Variants in NACA2 observed in about 807,000 individuals in gnomAD.
NACA2 encodes nascent polypeptide associated complex subunit alpha 2.
In NACA2, 9 loss-of-function variants were observed where a neutral mutation model predicts 15.6. That is an observed-to-expected ratio of 0.58 (90% CI 0.35 to 1.00). The LOEUF (loss-of-function observed/expected upper bound fraction) is 1.00, where lower values mean the gene tolerates loss of function less well. Among genes scored for constraint, NACA2 ranks in the 50% least tolerant of loss-of-function variants. The pLI, the probability that NACA2 is intolerant of heterozygous loss-of-function variation, is 0.02. For synonymous variants in NACA2, 111 were observed against 100.5 expected (o/e 1.10, Z -0.62); for missense variants, 258 against 257.5 (o/e 1.00, Z -0.01).
rs2143969122 is a variant in NACA2 at position 61,590,891 on chromosome 17, CAGAT to C, written c.286_289del (p.Ile96GlyfsTer25). 1 of 1,614,198 alleles carries C rather than the reference CAGAT, an allele frequency of 6.2e-7. No individual in the cohort carries two copies. Among genetic ancestry groups the C allele is most frequent in the Admixed American group, 1.7e-5 (1 of 60,020 alleles). On this transcript the variant is annotated frameshift_variant, in exon 1 of 1. Coordinates refer to ENST00000521764, the MANE Select transcript of NACA2 (RefSeq NM_199290.4). LOFTEE classifies it high-confidence loss of function. Reference sequence around the variant, plus strand: ...GACAAAGAGGATATTCTTAGATTTCCAGATAGTGACTCTAGTAACTCCTGTAACC... The same window carrying C: ...GACAAAGAGGATATTCTTAGATTTCCAGTGACTCTAGTAACTCCTGTAACC...
At position 61,591,205 on chromosome 17, in the gene NACA2, G is replaced by A. The variant is rs2060999350; in HGVS notation, c.-25C>T. 1.2e-6 allele frequency: 2 copies of A among 1,613,964 alleles called. No individual in the cohort carries two copies. Among genetic ancestry groups the A allele is most frequent in the Non-Finnish European group, 1.7e-6 (2 of 1,180,050 alleles). ...TTTTGTGCAGGGAACGCGGAAGCAA[G>A]ATGGCGGCAGAAAGAGCGCGAGCGA... On this transcript the variant is annotated 5_prime_UTR_variant, in exon 1 of 1. Coordinates refer to ENST00000521764, the MANE Select transcript of NACA2 (RefSeq NM_199290.4).
At position 61,590,624 on chromosome 17, in the gene NACA2, G is replaced by A. The variant is rs369495708; in HGVS notation, c.557C>T (p.Ser186Leu). 31 of 1,614,056 alleles carry A rather than the reference G, an allele frequency of 1.9e-5. No individual in the cohort carries two copies. Among genetic ancestry groups the A allele is most frequent in the Non-Finnish European group, 2.6e-5 (31 of 1,180,040 alleles). ...VEVKDVKLVM[S>L]QANVSRAKAV... ...CTTTGCTCTCGACACATTTGCTTGT[G>A]ACATGACCAATTTCACGTCTTTAAC... is the stretch of plus-strand genomic sequence containing the variant. The change falls in exon 1 of 1, where the codon TCA becomes TTA. Residue 186 changes from serine to leucine, a missense_variant. Physicochemically the swap from Ser to Leu is moderately radical, Grantham distance 145 (BLOSUM62 -2). Coordinates refer to ENST00000521764, the MANE Select transcript of NACA2 (RefSeq NM_199290.4).
At position 61,591,016 on chromosome 17, in the gene NACA2, T is replaced by G. The variant is rs757842660; in HGVS notation, c.165A>C (p.Ala55=). The part of the protein sequence containing the change: ...QTTTQKAWLV[A]AAEIDEEPVG... ...CTGGTTCTTCATCAATTTCAGCTGC[T>G]GCCACCAGCCAGGCTTTTTGTGTGG... The change falls in exon 1 of 1, where the codon GCA becomes GCC. Residue 55 remains alanine (A), a synonymous_variant. Transcript: ENST00000521764. 1 of 1,614,250 alleles carries G rather than the reference T, an allele frequency of 6.2e-7. No homozygotes were observed. The highest frequency in any genetic ancestry group is 1.1e-5 in the South Asian group (1 of 91,084).
At position 61,591,148 on chromosome 17, in the gene NACA2, A is replaced by G; in HGVS notation, c.33T>C (p.Ala11=). The G allele has an allele frequency of 3.1e-6, 5 of 1,614,250 alleles. No individual in the cohort carries two copies. In the South Asian group the frequency reaches 4.4e-5, roughly 14 times the overall value. Reference sequence around the variant, plus strand: ...GGGACTGCGGCAACTCCTGCTCTGTAGCAGGGACGGTTTCTGTGGCTTCGC... The same window carrying G: ...GGGACTGCGGCAACTCCTGCTCTGTGGCAGGGACGGTTTCTGTGGCTTCGC... The part of the protein sequence containing the change: MPGEATETVP[A]TEQELPQSQA... The change falls in exon 1 of 1, where the codon GCT becomes GCC. Residue 11 remains alanine (A), a synonymous_variant. Coordinates refer to ENST00000521764, the MANE Select transcript of NACA2 (RefSeq NM_199290.4).
rs374855084 is a variant in NACA2, at chr17:61,591,028, G to A, written c.153C>T (p.Ala51=). 1 of 1,614,232 alleles carries A rather than the reference G, an allele frequency of 6.2e-7. No individual in the cohort carries two copies. Among genetic ancestry groups the A allele is most frequent in the Non-Finnish European group, 8.5e-7 (1 of 1,180,040 alleles). The change falls in exon 1 of 1, where the codon GCC becomes GCT. Residue 51 remains alanine, a synonymous_variant. Coordinates refer to ENST00000521764, the MANE Select transcript of NACA2 (RefSeq NM_199290.4). ...CAATTTCAGCTGCTGCCACCAGCCAGGCTTTTTGTGTGGTGGTCTGGGTGG... is the reference window on the plus strand; with the variant it reads ...CAATTTCAGCTGCTGCCACCAGCCAAGCTTTTTGTGTGGTGGTCTGGGTGG... ...QDSTQTTTQK[A]WLVAAAEIDE...
chr17:61,591,144 C>T lies in NACA2; in HGVS notation c.37G>A (p.Glu13Lys), dbSNP rs1416899306. 1 of 1,614,134 alleles carries T rather than the reference C, an allele frequency of 6.2e-7. No homozygotes were observed. Among genetic ancestry groups the T allele is most frequent in the African/African-American group, 1.3e-5 (1 of 74,946 alleles). Residue 13 changes from glutamate to lysine, a missense_variant, in exon 1 of 1, where the codon GAG becomes AAG. Coordinates refer to ENST00000521764, the MANE Select transcript of NACA2 (RefSeq NM_199290.4). ...GEATETVPAT[E>K]QELPQSQAET... The stretch of plus-strand genomic sequence containing the variant: ...GCCTGGGACTGCGGCAACTCCTGCT[C>T]TGTAGCAGGGACGGTTTCTGTGGCT...
chr17:61,591,153 G>C lies in NACA2; in HGVS notation c.28C>G (p.Pro10Ala). 1 of 1,614,250 alleles carries C rather than the reference G, an allele frequency of 6.2e-7. No individual in the cohort carries two copies. The highest frequency in any genetic ancestry group is 8.5e-7 in the Non-Finnish European group (1 of 1,180,046). ...TGCGGCAACTCCTGCTCTGTAGCAGGGACGGTTTCTGTGGCTTCGCCCGGC... is the reference window on the plus strand; with the variant it reads ...TGCGGCAACTCCTGCTCTGTAGCAGCGACGGTTTCTGTGGCTTCGCCCGGC... The part of the protein sequence containing the change: MPGEATETV[P>A]ATEQELPQSQ... Residue 10 changes from proline to alanine, a missense_variant, in exon 1 of 1, where the codon CCT (proline) becomes GCT (alanine). By Grantham distance (27) the Pro-to-Ala change is conservative. Transcript: ENST00000521764.
At position 61,590,822 on chromosome 17, in the gene NACA2, T is replaced by C. The variant is rs775876799; in HGVS notation, c.359A>G (p.Tyr120Cys). The change falls in exon 1 of 1, where the codon TAC (tyrosine) becomes TGC (cysteine). Residue 120 changes from tyrosine (Y) to cysteine (C), a missense_variant. Transcript: ENST00000521764. ...DVYKSPASDA[Y>C]IVFGEAKIQD... Reference sequence around the variant, plus strand: ...GATCTTGGCTTCCCCAAAAACTATGTAGGCATCCGAAGCAGGGCTCTTGTA... The same window carrying C: ...GATCTTGGCTTCCCCAAAAACTATGCAGGCATCCGAAGCAGGGCTCTTGTA... The C allele has an allele frequency of 5.0e-6, 8 of 1,614,194 alleles. No homozygotes were observed. Among genetic ancestry groups the C allele is most frequent in the South Asian group, 2.2e-5 (2 of 91,086 alleles).
At position 61,590,758 on chromosome 17, in the gene NACA2, C is replaced by T. The variant is rs1348410423; in HGVS notation, c.423G>A (p.Glu141=). Residue 141 remains glutamate, a synonymous_variant, in exon 1 of 1, where the codon GAG becomes GAA. Coordinates refer to ENST00000521764, the MANE Select transcript of NACA2 (RefSeq NM_199290.4). ...LSQQAQLAAA[E]KFRVQGEAVG... ...CAGCTTCACCTTGAACTCTGAATTTCTCCGCAGCTGCTAGTTGTGCTTGCT... is the reference window on the plus strand; with the variant it reads ...CAGCTTCACCTTGAACTCTGAATTTTTCCGCAGCTGCTAGTTGTGCTTGCT... 6.2e-7 allele frequency: 1 copy of T among 1,614,222 alleles called. No homozygotes were observed.
chr17:61,591,218 A>G lies in NACA2; in HGVS notation c.-38T>C. 1 of 1,613,494 alleles carries G rather than the reference A, an allele frequency of 6.2e-7. No individual in the cohort carries two copies. On this transcript the variant is annotated 5_prime_UTR_variant, in exon 1 of 1. Transcript: ENST00000521764. ...ACGCGGAAGCAAGATGGCGGCAGAA[A>G]GAGCGCGAGCGAGAGCGTGACCCAC...
chr17:61,591,157 G>A lies in NACA2; in HGVS notation c.24C>T (p.Thr8=), dbSNP rs773090060. The A allele has an allele frequency of 1.4e-5, 22 of 1,614,140 alleles. No individual in the cohort carries two copies. The highest frequency in any genetic ancestry group is 1.6e-4 in the Middle Eastern group (1 of 6,080). MPGEATE[T]VPATEQELPQ... is the part of the protein sequence containing the mutation. The stretch of plus-strand genomic sequence containing the variant: ...GCAACTCCTGCTCTGTAGCAGGGAC[G>A]GTTTCTGTGGCTTCGCCCGGCATTT... Residue 8 remains threonine (T), a synonymous_variant, in exon 1 of 1, where the codon ACC becomes ACT. Transcript: ENST00000521764.
Position 61,590,903 on chromosome 17 carries a change from C to T in NACA2, c.278G>A (p.Arg93Lys). 6.2e-7 allele frequency: 1 copy of T among 1,614,252 alleles called. No individual in the cohort carries two copies. Among genetic ancestry groups the T allele is most frequent in the Non-Finnish European group, 8.5e-7 (1 of 1,180,054 alleles). Residue 93 changes from arginine (R) to lysine (K), a missense_variant, in exon 1 of 1, where the codon AGA becomes AAA. Physicochemically the swap from Arg to Lys is conservative, Grantham distance 26. Coordinates refer to ENST00000521764, the MANE Select transcript of NACA2 (RefSeq NM_199290.4). ...ATTCTTAGATTTCCAGATAGTGACT[C>T]TAGTAACTCCTGTAACCTGTAGAAG... Reference protein sequence around the residue: ...LGLLQVTGVTRVTIWKSKNIL... With the variant: ...LGLLQVTGVTKVTIWKSKNIL...
In NACA2 at chr17:61,591,130, C is replaced by T. The variant is rs779669551; in HGVS notation, c.51G>A (p.Pro17=). 39 of 1,614,126 alleles carry T rather than the reference C, an allele frequency of 2.4e-5. No homozygotes were observed. The Admixed American group carries it at 5.8e-4, about 24-fold the overall frequency. Residue 17 remains proline, a synonymous_variant, in exon 1 of 1, where the codon CCG becomes CCA. Transcript: ENST00000521764. ...CAGACCCTGTCTCAGCCTGGGACTG[C>T]GGCAACTCCTGCTCTGTAGCAGGGA... ...ETVPATEQEL[P]QSQAETGSGT...
chr17:61,590,939 G>T lies in NACA2; in HGVS notation c.242C>A (p.Ser81Tyr). ...TGTAACCTGTAGAAGACCCAGTTTG[G>T]ACATAGCCTTCCGTGCCCTCTTTTC... is the stretch of plus-strand genomic sequence containing the variant. ...RSEKRARKAM[S>Y]KLGLLQVTGV... Residue 81 changes from serine to tyrosine, a missense_variant, in exon 1 of 1, where the codon TCC (serine) becomes TAC (tyrosine). Physicochemically the swap from Ser to Tyr is moderately radical, Grantham distance 144 (BLOSUM62 -2). Transcript: ENST00000521764. 1.2e-6 allele frequency: 2 copies of T among 1,614,220 alleles called. No homozygotes were observed. The highest frequency in any genetic ancestry group is 1.7e-6 in the Non-Finnish European group (2 of 1,180,042).
In NACA2 at chr17:61,591,191, G is replaced by C; in HGVS notation, c.-11C>G. The C allele has an allele frequency of 6.2e-7, 1 of 1,614,142 alleles. No homozygotes were observed. The highest frequency in any genetic ancestry group is 1.1e-5 in the South Asian group (1 of 91,088). Reference sequence around the variant, plus strand: ...GGCTTCGCCCGGCATTTTGTGCAGGGAACGCGGAAGCAAGATGGCGGCAGA... The same window carrying C: ...GGCTTCGCCCGGCATTTTGTGCAGGCAACGCGGAAGCAAGATGGCGGCAGA... On this transcript the variant is annotated 5_prime_UTR_variant, in exon 1 of 1. Transcript: ENST00000521764.
In NACA2 at chr17:61,590,951, C is replaced by G; in HGVS notation, c.230G>C (p.Arg77Pro). The G allele has an allele frequency of 6.2e-7, 1 of 1,614,200 alleles. No homozygotes were observed. The highest frequency in any genetic ancestry group is 8.5e-7 in the Non-Finnish European group (1 of 1,180,036). Residue 77 changes from arginine to proline, a missense_variant, in exon 1 of 1, where the codon CGG becomes CCG. Arg to Pro is a moderately radical substitution (Grantham distance 103, BLOSUM62 -2). Coordinates refer to ENST00000521764, the MANE Select transcript of NACA2 (RefSeq NM_199290.4). ...AKQSRSEKRA[R>P]KAMSKLGLLQ... ...AAGACCCAGTTTGGACATAGCCTTCCGTGCCCTCTTTTCACTCCGACTCTG... is the reference window on the plus strand; with the variant it reads ...AAGACCCAGTTTGGACATAGCCTTCGGTGCCCTCTTTTCACTCCGACTCTG...
Position 61,590,734 on chromosome 17 carries a change from A to G in NACA2, c.447T>C (p.Ala149=). 3.7e-6 allele frequency: 6 copies of G among 1,614,132 alleles called. No individual in the cohort carries two copies. The highest frequency in any genetic ancestry group is 5.1e-6 in the Non-Finnish European group (6 of 1,180,026). ...AAEKFRVQGE[A]VGNIQENTQT... ...GTGTGTTTTCTTGAATGTTTCCGAC[A>G]GCTTCACCTTGAACTCTGAATTTCT... The change falls in exon 1 of 1, where the codon GCT becomes GCC. Residue 149 remains alanine (A), a synonymous_variant. Transcript: ENST00000521764.
In NACA2 at chr17:61,590,555, G is replaced by A. The variant is rs781705734; in HGVS notation, c.626C>T (p.Ala209Val). 9 of 1,614,012 alleles carry A rather than the reference G, an allele frequency of 5.6e-6. No homozygotes were observed. Among genetic ancestry groups the A allele is most frequent in the African/African-American group, 1.3e-5 (1 of 74,912 alleles). ...LKNNSNDIVN[A>V]IMELTV ...TGGTTACACTGTTAATTCCATAATCGCATTTACAATATCATTACTGTTGTT... is the reference window on the plus strand; with the variant it reads ...TGGTTACACTGTTAATTCCATAATCACATTTACAATATCATTACTGTTGTT... Residue 209 changes from alanine (A) to valine (V), a missense_variant, in exon 1 of 1, where the codon GCG (alanine) becomes GTG (valine). By Grantham distance (64) the Ala-to-Val change is moderately conservative. Coordinates refer to ENST00000521764, the MANE Select transcript of NACA2 (RefSeq NM_199290.4).
In NACA2 at chr17:61,590,590, T is replaced by C; in HGVS notation, c.591A>G (p.Arg197=). ...QANVSRAKAV[R]ALKNNSNDIV... is the part of the protein sequence containing the mutation. Reference sequence around the variant, plus strand: ...TATCATTACTGTTGTTCTTCAGAGCTCGGACTGCCTTTGCTCTCGACACAT... The same window carrying C: ...TATCATTACTGTTGTTCTTCAGAGCCCGGACTGCCTTTGCTCTCGACACAT... The change falls in exon 1 of 1, where the codon CGA becomes CGG. Residue 197 remains arginine, a synonymous_variant. Coordinates refer to ENST00000521764, the MANE Select transcript of NACA2 (RefSeq NM_199290.4). 1 of 1,614,202 alleles carries C rather than the reference T, an allele frequency of 6.2e-7. No individual in the cohort carries two copies. The highest frequency in any genetic ancestry group is 1.1e-5 in the South Asian group (1 of 91,084).
Sources: gnomAD v4.1 joint callset for allele counts on GRCh38, gnomAD v4.1.1 for gene constraint, MANE v1.5 for transcripts, NCBI Gene and HGNC (gene_info 2026-07-23, HGNC 2026-07-21) for gene names.